PPARGC1A: variants seen among roughly 807,000 people sequenced by gnomAD.
PPARGC1A encodes PPARG coactivator 1 alpha.
PPARGC1A carries 25 observed loss-of-function variants against 88.7 expected under a neutral mutation model. The ratio of observed to expected loss-of-function variants is 0.28; its 90% confidence interval spans 0.21 to 0.39. PPARGC1A has a LOEUF of 0.39. Ranked by LOEUF, PPARGC1A falls within the 10% of genes least tolerant of loss-of-function variation. The probability of loss-of-function intolerance (pLI) is 1.00; values close to 1 mark genes in which losing one functional copy is unlikely to be tolerated. For synonymous variants in PPARGC1A, 363 were observed against 355.6 expected (o/e 1.02, Z -0.24); for missense variants, 880 against 968.7 (o/e 0.91, Z 1.22).
the PPARGC1A span, among the ~76,000 whole-genome samples, chr4:24,274,102 A>G: frequency 6.6e-6 from 1 of 152,012 alleles, no homozygotes; most frequent in Non-Finnish European, 1.5e-5. Context: ...AGTTCCATAC[A>G]TTTGGAAATG....
the PPARGC1A span, among the ~76,000 whole-genome samples, chr4:24,089,500 C>CTTTTTTTTTTTTTTT: frequency 2.1e-5 from 2 of 94,254 alleles, no homozygotes; most frequent in African/African-American, 4.2e-5. Flanking sequence ...CTTTTCTTTT[C>CTTTTTTTTTTTTTTT]TTTTCTTTTC....
the PPARGC1A span, among the ~76,000 whole-genome samples, chr4:24,011,666 C>A: frequency 6.6e-6 from 1 of 152,110 alleles, no homozygotes; most frequent in African/African-American, 2.4e-5. Context: ...CTCTTTAATG[C>A]CCAAGACCTG....
chr4:24,251,046 A>T, the PPARGC1A span, among the ~76,000 whole-genome samples: 4 of 152,236 alleles, frequency 2.6e-5, no homozygotes, highest in South Asian at 4.1e-4. Flanking sequence ...TTTATTTTAA[A>T]TCAAGTTACT....
chr4:24,222,772 A>G, the PPARGC1A span, among the ~76,000 whole-genome samples: 51 of 152,334 alleles, frequency 3.3e-4, no homozygotes, highest in South Asian at 1.7e-3. Flanking sequence ...AGAACTTTGA[A>G]GAACAAACTC....
chr4:23,806,862 A>G (rs538731084), intron 10 of PPARGC1A, among the ~76,000 whole-genome samples: 1 of 152,268 alleles, frequency 6.6e-6, no homozygotes, highest in South Asian at 2.1e-4. Context: ...TGACAAAGAA[A>G]AGACAGAAGG....
At chr4:24,030,536 G>T in the PPARGC1A span, among the ~76,000 whole-genome samples, 2 of 152,266 alleles carry the variant, frequency 1.3e-5, no homozygotes, top group East Asian at 3.9e-4. Context: ...TCTTTATGGA[G>T]ATCATTAATA....
chr4:24,306,664 A>T, the PPARGC1A span, among the ~76,000 whole-genome samples: 1 of 152,258 alleles, frequency 6.6e-6, no homozygotes, highest in Non-Finnish European at 1.5e-5. Context: ...GTACAAAAGC[A>T]ATCAAAGACA....
At chr4:24,352,842 C>T in the PPARGC1A span, among the ~76,000 whole-genome samples, 1 of 152,346 alleles carries the variant, frequency 6.6e-6, no homozygotes, top group African/African-American at 2.4e-5. Flanking sequence ...ATTTTATATG[C>T]TTCTTCCCTG....
chr4:23,821,242 A>C (rs1722967101), intron 7 of PPARGC1A, among the ~76,000 whole-genome samples: 1 of 152,156 alleles, frequency 6.6e-6, no homozygotes, highest in Non-Finnish European at 1.5e-5. Context: ...CCCAGGGTCC[A>C]TTAGATAGCT....
intron 1 of PPARGC1A, among the ~76,000 whole-genome samples, chr4:23,886,322 C>T (rs1051525179): frequency 2.6e-5 from 4 of 152,146 alleles, no homozygotes; most frequent in African/African-American, 9.7e-5. Flanking sequence ...CCCCTGTTAT[C>T]CCTGGCAGGG....
the PPARGC1A span, among the ~76,000 whole-genome samples, chr4:24,356,489 C>A: frequency 2.6e-4 from 39 of 152,310 alleles, no homozygotes; most frequent in African/African-American, 8.9e-4. Flanking sequence ...CAAGATGAAC[C>A]TTCTGTCCAA....
intron 2 of PPARGC1A, among the ~76,000 whole-genome samples, chr4:23,864,606 C>G (rs1731829716): frequency 1.3e-5 from 2 of 152,180 alleles, no homozygotes; most frequent in African/African-American, 2.4e-5. Flanking sequence ...AGAGGAAAGT[C>G]TTTCGCAGCA....
chr4:23,948,693 G>A, the PPARGC1A span, among the ~76,000 whole-genome samples: 1 of 152,100 alleles, frequency 6.6e-6, no homozygotes, highest in Non-Finnish European at 1.5e-5. Context: ...CATGCCTGTG[G>A]ACCCTAAGTA....
chr4:23,938,128 G>A, the PPARGC1A span, among the ~76,000 whole-genome samples: 1 of 151,856 alleles, frequency 6.6e-6, no homozygotes, highest in South Asian at 2.1e-4. Context: ...GTGCACCAAG[G>A]AAGTAGAAGA....
chr4:24,058,292 G>C, the PPARGC1A span, among the ~76,000 whole-genome samples: 1 of 152,274 alleles, frequency 6.6e-6, no homozygotes. Flanking sequence ...TGACTGAAAA[G>C]AATAAAATTT....
chr4:23,905,733 C>T (rs116978747), upstream of PPARGC1A, among the ~76,000 whole-genome samples: 677 of 152,286 alleles, frequency 4.4e-3, 35 homozygotes, highest in East Asian at 0.094. Flanking sequence ...GATAAAATCA[C>T]TGAAGTTGAG....
At chr4:24,064,290 C>A in the PPARGC1A span, among the ~76,000 whole-genome samples, 2 of 152,208 alleles carry the variant, frequency 1.3e-5, no homozygotes, top group Non-Finnish European at 2.9e-5. Context: ...GGCTCTATAG[C>A]AAGTGGGTGC....
chr4:24,239,598 T>G, the PPARGC1A span, among the ~76,000 whole-genome samples: 1 of 151,638 alleles, frequency 6.6e-6, no homozygotes, highest in Non-Finnish European at 1.5e-5. Flanking sequence ...CACAAACTTA[T>G]GCAGGAGGTA....
chr4:24,281,914 C>G, the PPARGC1A span, among the ~76,000 whole-genome samples: 1 of 152,328 alleles, frequency 6.6e-6, no homozygotes, highest in South Asian at 2.1e-4. Context: ...GGCAGATACT[C>G]TTATCTCTGA....
Sources: gnomAD v4.1 joint callset for allele counts (sites outside exome capture counted in the v4.1 genomes callset) on GRCh38, gnomAD v4.1.1 for gene constraint, MANE v1.5 for transcripts, NCBI Gene and HGNC (gene_info 2026-07-23, HGNC 2026-07-21) for gene names.